Variants in CDH18 observed in about 807,000 individuals in gnomAD.
CDH18 encodes cadherin-18.
Under a neutral mutation model 67.9 loss-of-function variants are expected in CDH18, and 31 were observed. The ratio of observed to expected loss-of-function variants is 0.46; its 90% CI spans 0.34 to 0.62. The LOEUF is 0.62. Among genes scored for constraint, CDH18 ranks in the 20% least tolerant of loss-of-function variants. The pLI, the probability that CDH18 is intolerant of heterozygous loss-of-function variation, is 0.01. For synonymous variants in CDH18, 362 were observed against 347.2 expected (o/e 1.04, Z -0.48); for missense variants, 890 against 975.5 (o/e 0.91, Z 1.17).
In CDH18 at chr5:20,276,284, T is replaced by G. The variant is rs925985503; in HGVS notation, c.-579-20779A>C. On this transcript the variant is annotated intron_variant, in intron 1 of 14. Transcript: ENST00000507958. ...CACAGCTCCAGGAGAGACTCCTCCC[T>G]TCAACTGAGGAGAGGAGAGGGAAGA... 1.5e-4 allele frequency among the ~76,000 whole-genome samples: 23 copies of G among 152,290 alleles called. 1 individual carries two copies. Among genetic ancestry groups the G allele is most frequent in the Middle Eastern group, 3.4e-3 (1 of 294 alleles).
chr5:19,924,631 T>A (rs1009547896), intron 2 of CDH18, among the ~76,000 whole-genome samples: 76 of 152,050 alleles, frequency 5.0e-4, no homozygotes, highest in African/African-American at 1.8e-3. Flanking sequence ...GTCTCAAAAC[T>A]AACAAACAAA....
At chr5:20,338,057 TG>T (rs1481559942) in intron 1 of CDH18, among the ~76,000 whole-genome samples, 1 of 152,132 alleles carries the variant, frequency 6.6e-6, no homozygotes, top group Non-Finnish European at 1.5e-5. Flanking sequence ...GAGAACACGA[TG>T]GGAAAGACTT....
At chr5:20,112,232 G>A (rs1747538648) in intron 2 of CDH18, among the ~76,000 whole-genome samples, 1 of 152,048 alleles carries the variant, frequency 6.6e-6, no homozygotes, top group African/African-American at 2.4e-5. Flanking sequence ...TCCACCCCAA[G>A]TCAGTATTAG....
At chr5:20,093,985 A>G (rs1396847298) in intron 2 of CDH18, among the ~76,000 whole-genome samples, 3 of 152,190 alleles carry the variant, frequency 2.0e-5, no homozygotes, top group Non-Finnish European at 2.9e-5. Flanking sequence ...CTAAGGAGGT[A>G]AGAAGAAACC....
At chr5:19,650,517 T>G (rs971456314) in intron 5 of CDH18, among the ~76,000 whole-genome samples, 1 of 152,008 alleles carries the variant, frequency 6.6e-6, no homozygotes, top group African/African-American at 2.4e-5. Flanking sequence ...CTCCCTACAT[T>G]GTCTGAGCTA....
intron 2 of CDH18, among the ~76,000 whole-genome samples, chr5:20,098,354 T>C (rs1331674789): frequency 2.0e-5 from 3 of 152,088 alleles, no homozygotes; most frequent in African/African-American, 7.2e-5. Context: ...ATGATGATTT[T>C]ATATAGACAC....
chr5:19,865,172 C>T (rs1785351625), intron 2 of CDH18, among the ~76,000 whole-genome samples: 1 of 152,030 alleles, frequency 6.6e-6, no homozygotes, highest in Non-Finnish European at 1.5e-5. Flanking sequence ...TAAATAAAGC[C>T]ACACTTGCTG....
intron 1 of CDH18, among the ~76,000 whole-genome samples, chr5:20,365,479 T>C (rs1443268551): frequency 6.6e-6 from 1 of 152,180 alleles, no homozygotes; most frequent in Non-Finnish European, 1.5e-5. Context: ...TCAATATATT[T>C]AGACACACTG....
intron 1 of CDH18, among the ~76,000 whole-genome samples, chr5:20,392,016 C>T (rs1322027153): frequency 1.3e-5 from 2 of 151,798 alleles, no homozygotes; most frequent in Non-Finnish European, 2.9e-5. Context: ...GAACTTACAT[C>T]CATTTATTTT....
intron 2 of CDH18, among the ~76,000 whole-genome samples, chr5:19,856,401 A>T (rs1181684217): frequency 6.6e-6 from 1 of 152,208 alleles, no homozygotes; most frequent in Non-Finnish European, 1.5e-5. Flanking sequence ...AGAATATAAA[A>T]GACTGGGCAG....
chr5:20,537,431 C>G (rs1474346017), intron 1 of CDH18, among the ~76,000 whole-genome samples: 1 of 151,910 alleles, frequency 6.6e-6, no homozygotes, highest in East Asian at 1.9e-4. Context: ...AGATCTATTA[C>G]TTAATGTTTA....
chr5:20,132,299 TTAAA>T (rs1416940369), intron 2 of CDH18, among the ~76,000 whole-genome samples: 2 of 152,198 alleles, frequency 1.3e-5, no homozygotes, highest in Non-Finnish European at 2.9e-5. Context: ...TTTCCACTTC[TTAAA>T]TAAACTTATT....
intron 11 of CDH18, among the ~76,000 whole-genome samples, chr5:19,497,673 A>G (rs1742573547): frequency 6.6e-6 from 1 of 152,216 alleles, no homozygotes; most frequent in African/African-American, 2.4e-5. Context: ...TCATCAGAGT[A>G]TAGATGGGCG....
intron 2 of CDH18, among the ~76,000 whole-genome samples, chr5:20,199,760 C>T (rs1739295548): frequency 1.3e-5 from 2 of 152,202 alleles, no homozygotes; most frequent in Admixed American, 1.3e-4. Flanking sequence ...ATGGGAAGAA[C>T]CCAATAGGAG....
intron 8 of CDH18, among the ~76,000 whole-genome samples, chr5:19,565,532 G>A (rs1740230348): frequency 6.6e-6 from 1 of 152,152 alleles, no homozygotes; most frequent in Non-Finnish European, 1.5e-5. Context: ...AATGACCAAA[G>A]ACTTAGATAA....
At chr5:20,447,554 GA>G (rs1474872681) in intron 1 of CDH18, among the ~76,000 whole-genome samples, 1 of 152,126 alleles carries the variant, frequency 6.6e-6, no homozygotes, top group Non-Finnish European at 1.5e-5. Flanking sequence ...CCAGCTCTCA[GA>G]ACTGTCAGAA....
chr5:20,123,029 T>C (rs1748495676), intron 2 of CDH18, among the ~76,000 whole-genome samples: 1 of 148,184 alleles, frequency 6.7e-6, no homozygotes, highest in Non-Finnish European at 1.5e-5. Flanking sequence ...ATTATATATA[T>C]AAATATATAA....
chr5:20,467,944 T>C (rs1751760878), intron 1 of CDH18, among the ~76,000 whole-genome samples: 1 of 151,984 alleles, frequency 6.6e-6, no homozygotes. Flanking sequence ...TACTTACTTT[T>C]TATTCCTTTG....
chr5:20,439,231 C>A (rs1749417057), intron 1 of CDH18, among the ~76,000 whole-genome samples: 1 of 151,582 alleles, frequency 6.6e-6, no homozygotes, highest in African/African-American at 2.4e-5. Context: ...CATTGGGAGT[C>A]AACAGCCTCA....
Sources: allele counts gnomAD v4.1 joint callset (sites outside exome capture counted in the v4.1 genomes callset), GRCh38; gene constraint gnomAD v4.1.1; transcripts MANE v1.5; gene names NCBI Gene and HGNC (gene_info 2026-07-23, HGNC 2026-07-21).